The following ARHGAP25 variants were observed in gnomAD, a reference collection of about 807,000 sequenced individuals.
ARHGAP25 encodes the protein Rho GTPase activating protein 25.
ARHGAP25 carries 34 observed loss-of-function variants against 71.0 expected under a neutral mutation model. That is an observed-to-expected ratio of 0.48 (90% confidence interval 0.36 to 0.64). ARHGAP25 has a LOEUF of 0.64. Ranked by LOEUF, ARHGAP25 falls within the 30% of genes least tolerant of loss-of-function variation. The pLI, the probability that ARHGAP25 is intolerant of heterozygous loss-of-function variation, is 0.00. For missense variants in ARHGAP25, 706 were observed against 805.1 expected, an observed-to-expected ratio of 0.88 and a Z score of 1.49; for synonymous variants, 282 against 296.5, an observed-to-expected ratio of 0.95 and a Z score of 0.50.
intron 2 of ARHGAP25, among the ~76,000 whole-genome samples, chr2:68,717,214 A>G (rs996135548): frequency 6.6e-6 from 1 of 152,240 alleles, no homozygotes; most frequent in East Asian, 1.9e-4. Flanking sequence ...CTAAACATAG[A>G]AAAGGTACAG....
chr2:68,745,456 G>T (rs1361119684), intron 1 of ARHGAP25, among the ~76,000 whole-genome samples: 2 of 152,124 alleles, frequency 1.3e-5, no homozygotes, highest in Non-Finnish European at 2.9e-5. Context: ...CCTTACCATA[G>T]ATTCATAACT....
intron 2 of ARHGAP25, among the ~76,000 whole-genome samples, chr2:68,723,981 C>G (rs1465611260): frequency 6.6e-6 from 1 of 152,074 alleles, no homozygotes; most frequent in Non-Finnish European, 1.5e-5. Flanking sequence ...TCAAGTGATT[C>G]TCCCACCTCG....
intron 9 of ARHGAP25, 93 bp from the exon 10 acceptor site, chr2:68,822,247 A>G: frequency 1.6e-6 from 2 of 1,234,698 alleles, no homozygotes; most frequent in South Asian, 1.5e-5. Context: ...GCTACCAGGA[A>G]ACTTTTGTTT....
At chr2:68,808,296 T>G (rs897860531) in intron 5 of ARHGAP25, among the ~76,000 whole-genome samples, 3 of 152,232 alleles carry the variant, frequency 2.0e-5, no homozygotes, top group African/African-American at 7.2e-5. Flanking sequence ...GGGCCTGAAC[T>G]CTACCCAGTT....
intron 4 of ARHGAP25, among the ~76,000 whole-genome samples, chr2:68,802,096 T>A (rs1034491600): frequency 4.5e-4 from 69 of 152,054 alleles, no homozygotes; most frequent in African/African-American, 1.6e-3. Flanking sequence ...ATAGGGAGCT[T>A]GTTTAAAGCA....
At chr2:68,748,845 T>A (rs775600144) in intron 1 of ARHGAP25, among the ~76,000 whole-genome samples, 2 of 152,206 alleles carry the variant, frequency 1.3e-5, no homozygotes, top group Non-Finnish European at 2.9e-5. Context: ...AAGGGGTATG[T>A]CTTGCTCCTA....
rs2103756420 is a variant in ARHGAP25 at position 68,826,656 on chromosome 2, T to C, written c.*462T>C. On this transcript the variant is annotated 3_prime_UTR_variant, in exon 11 of 11. Transcript: ENST00000409202. ...AGTCCTCATCCATGGAGTGCTGTGT[T>C]TGGGGGGCTGCATCTGCTGAAGCGA... 4.0e-6 allele frequency: 1 copy of C among 250,212 alleles called. No individual in the cohort carries two copies. Among genetic ancestry groups the C allele is most frequent in the South Asian group, 4.4e-5 (1 of 22,648 alleles). The allele number at this position is 250,212 out of a possible 1,614,324, so 15.5% of individuals were successfully genotyped here. A position where few individuals can be genotyped will look rare whatever the true frequency, so the allele number is the denominator to read the frequency against.
At chr2:68,723,002 CT>C (rs951370186) in intron 2 of ARHGAP25, among the ~76,000 whole-genome samples, 2 of 152,172 alleles carry the variant, frequency 1.3e-5, no homozygotes, top group Non-Finnish European at 2.9e-5. Flanking sequence ...TCTCTGCTCT[CT>C]TTTTTTATGA....
chr2:68,746,630 G>T (rs2104303210), intron 1 of ARHGAP25, among the ~76,000 whole-genome samples: 1 of 151,960 alleles, frequency 6.6e-6, no homozygotes, highest in Non-Finnish European at 1.5e-5. Flanking sequence ...TGTGTGTAAG[G>T]CCCCTGACTG....
At chr2:68,730,089 C>CTT (rs71396002), upstream of ARHGAP25, among the ~76,000 whole-genome samples, 2 of 151,848 alleles carry the variant, frequency 1.3e-5, no homozygotes, top group Non-Finnish European at 2.9e-5. Flanking sequence ...TTTTTCATGA[C>CTT]TTTTTTTTGT....
chr2:68,768,389 C>T (rs1181871359), intron 1 of ARHGAP25, among the ~76,000 whole-genome samples: 6 of 152,170 alleles, frequency 3.9e-5, no homozygotes, highest in African/African-American at 1.2e-4. Context: ...CAATATTTCT[C>T]GCAAATACAA....
At chr2:68,720,812 G>A (rs184639427) in intron 2 of ARHGAP25, among the ~76,000 whole-genome samples, 3 of 152,232 alleles carry the variant, frequency 2.0e-5, no homozygotes, top group South Asian at 4.1e-4. Flanking sequence ...GCCATTGTTT[G>A]CACACGTACT....
At chr2:68,801,467 C>G (rs745930724) in intron 4 of ARHGAP25, among the ~76,000 whole-genome samples, 2 of 152,192 alleles carry the variant, frequency 1.3e-5, no homozygotes, top group Non-Finnish European at 2.9e-5. Flanking sequence ...AGGTGGCTTG[C>G]TGTATCACTT....
At chr2:68,776,290 T>A (rs933787977) in intron 2 of ARHGAP25, among the ~76,000 whole-genome samples, 1 of 151,878 alleles carries the variant, frequency 6.6e-6, no homozygotes, top group Non-Finnish European at 1.5e-5. Flanking sequence ...TGCAGGCCAC[T>A]GTAAGGACCT....
intron 4 of ARHGAP25, among the ~76,000 whole-genome samples, chr2:68,802,104 G>A (rs958614662): frequency 1.3e-5 from 2 of 152,126 alleles, no homozygotes; most frequent in African/African-American, 4.8e-5. Flanking sequence ...CTTGTTTAAA[G>A]CATATTTGGA....
chr2:68,793,470 T>G (rs1205227413), intron 4 of ARHGAP25, among the ~76,000 whole-genome samples: 1 of 152,144 alleles, frequency 6.6e-6, no homozygotes, highest in East Asian at 1.9e-4. Flanking sequence ...GAGATAGGGC[T>G]CCAGTTTCAT....
At chr2:68,724,900 A>G (rs1433956852) in intron 2 of ARHGAP25, among the ~76,000 whole-genome samples, 1 of 152,234 alleles carries the variant, frequency 6.6e-6, no homozygotes, top group Non-Finnish European at 1.5e-5. Flanking sequence ...CAGGATATAT[A>G]TGAAGTATTG....
intron 3 of ARHGAP25, among the ~76,000 whole-genome samples, chr2:68,784,177 C>CTG (rs1490685527): frequency 2.5e-4 from 38 of 151,144 alleles, no homozygotes; most frequent in Middle Eastern, 3.2e-3. Flanking sequence ...CTCTCTCTTT[C>CTG]TCTCTCTCTC....
At chr2:68,717,986 A>G (rs1476972038) in intron 2 of ARHGAP25, among the ~76,000 whole-genome samples, 1 of 152,132 alleles carries the variant, frequency 6.6e-6, no homozygotes, top group African/African-American at 2.4e-5. Flanking sequence ...GGTTTATATC[A>G]TCTTGGAATG....
Sources: allele counts gnomAD v4.1 joint callset (sites outside exome capture counted in the v4.1 genomes callset), GRCh38; gene constraint gnomAD v4.1.1; transcripts MANE v1.5; gene names NCBI Gene and HGNC (gene_info 2026-07-23, HGNC 2026-07-21).